The following GPS1 variants were observed in gnomAD, a reference collection of about 807,000 sequenced individuals.
GPS1 encodes COP9 signalosome complex subunit 1.
A neutral mutation model predicts 60.0 loss-of-function variants in GPS1; 11 were observed. The ratio of observed to expected loss-of-function variants is 0.18; its 90% CI spans 0.12 to 0.30. The LOEUF (loss-of-function observed/expected upper bound fraction) is 0.30, where lower values mean the gene tolerates loss of function less well. Ranked by LOEUF, GPS1 falls within the 10% of genes least tolerant of loss-of-function variation. The pLI, the probability that GPS1 is intolerant of heterozygous loss-of-function variation, is 1.00. For synonymous variants in GPS1, 343 were observed against 269.8 expected (o/e 1.27, Z -2.66); for missense variants, 543 against 669.2 (o/e 0.81, Z 2.08).
In GPS1 at chr17:82,053,280, G is replaced by C; in HGVS notation, c.40G>C (p.Val14Leu). The C allele has an allele frequency of 1.9e-6, 3 of 1,542,804 alleles. No homozygotes were observed. Among genetic ancestry groups the C allele is most frequent in the Non-Finnish European group, 2.6e-6 (3 of 1,153,722 alleles). ...TGCCTGGCCCATGTTGCAGGGGGCC[G>C]TGGAGCCCATGCAGATCGACGTGGA... Reference protein sequence around the residue: ...PVQVFNLQGAVEPMQIDVDPQ... With the variant: ...PVQVFNLQGALEPMQIDVDPQ... Residue 14 changes from valine to leucine, a missense_variant, in exon 2 of 13, where the codon GTG becomes CTG. Around this residue, in one of 3 missense-constraint regions of GPS1, gnomAD observed 181 missense variants for 188.8 expected, o/e 0.96. Transcript: ENST00000578552.
intron 3 of GPS1, chr17:82,054,288 G>A (rs1031624799): frequency 1.6e-5 from 12 of 752,548 alleles, no homozygotes; most frequent in African/African-American, 5.3e-5. Context: ...CTCAGGGGCC[G>A]CCTCCCTGCT....
At chr17:82,051,663 G>A (rs1190461255), upstream of GPS1, 6 of 1,004,556 alleles carry the variant, frequency 6.0e-6, no homozygotes, top group Non-Finnish European at 7.1e-6. The surrounding 1 kb of genome is among the most constrained non-coding windows in gnomAD (Gnocchi z 4.1). Flanking sequence ...GGTCCGGGCC[G>A]GGGCGGGCGC....
chr17:82,054,741 C>A lies in GPS1; in HGVS notation c.540C>A (p.Cys180Ter), dbSNP rs2032099693. 2 of 1,611,956 alleles carry A rather than the reference C, an allele frequency of 1.2e-6. No individual in the cohort carries two copies. Among genetic ancestry groups the A allele is most frequent in the Non-Finnish European group, 1.7e-6 (2 of 1,179,728 alleles). ...DCGDLSNALK[C>*]YSRARDYCTS... Reference sequence around the variant, plus strand: ...GGGACCTCAGCAACGCCCTCAAGTGCTATTCCCGGGCCCGGGACTACTGCA... The same window carrying A: ...GGGACCTCAGCAACGCCCTCAAGTGATATTCCCGGGCCCGGGACTACTGCA... The change falls in exon 4 of 13, where the codon TGC becomes TGA. Residue 180 changes from cysteine to a stop codon, truncating the protein, a stop_gained. Transcript: ENST00000578552. LOFTEE classifies it high-confidence loss of function.
chr17:82,053,845 C>T (rs1448909108), intron 2 of GPS1, 23 bp from the exon 3 acceptor site: 5 of 1,594,284 alleles, frequency 3.1e-6, no homozygotes, highest in South Asian at 2.2e-5. Flanking sequence ...TCCTGCCTGA[C>T]TCTTGTCTGT....
In GPS1 at chr17:82,054,557, C is replaced by A. The variant is rs1485097123; in HGVS notation, c.356C>A (p.Pro119His). Reference sequence around the variant, plus strand: ...GCCATCCCTGAGAGCGGCGTGGAGCCCCCAGCCCTGGACACGGCCTGGGTG... The same window carrying A: ...GCCATCCCTGAGAGCGGCGTGGAGCACCCAGCCCTGGACACGGCCTGGGTG... ...PDAIPESGVE[P>H]PALDTAWVEA... The change falls in exon 4 of 13, where the codon CCC becomes CAC. Residue 119 changes from proline (P) to histidine (H), a missense_variant. Pro to His is a moderately conservative substitution (Grantham distance 77, BLOSUM62 -2). Around this residue, in one of 3 missense-constraint regions of GPS1, gnomAD observed 181 missense variants for 188.8 expected, o/e 0.96. Coordinates refer to ENST00000578552, the MANE Select transcript of GPS1 (RefSeq NM_001321092.3). The A allele has an allele frequency of 2.5e-6, 4 of 1,588,394 alleles. No individual in the cohort carries two copies. Among genetic ancestry groups the A allele is most frequent in the Non-Finnish European group, 3.4e-6 (4 of 1,168,288 alleles).
chr17:82,052,592 G>C (rs984475178), intron 1 of GPS1: 2 of 1,089,840 alleles, frequency 1.8e-6, no homozygotes, highest in African/African-American at 3.2e-5. Context: ...AGGGGAGGGA[G>C]CCCCGGTGGG....
upstream of GPS1, chr17:82,051,313 A>T: frequency 6.9e-7 from 1 of 1,438,894 alleles, no homozygotes; most frequent in South Asian, 1.7e-5. The surrounding 1 kb of genome is among the most constrained non-coding windows in gnomAD (Gnocchi z 4.1). Context: ...GCTCGAGCTC[A>T]GGGTCGTCCC....
Position 82,053,946 on chromosome 17 carries a change from A to G in GPS1, c.205A>G (p.Thr69Ala). The change falls in exon 3 of 13, where the codon ACG (threonine) becomes GCG (alanine). Residue 69 changes from threonine to alanine, a missense_variant. Thr to Ala is a moderately conservative substitution (Grantham distance 58). Transcript: ENST00000578552. ...RLQFIADHCP[T>A]LRVEALKMAL... is the part of the protein sequence containing the mutation. Reference sequence around the variant, plus strand: ...GCAGTTCATTGCTGATCACTGCCCCACGCTGCGGGTGGAGGCCCTGAAGAT... The same window carrying G: ...GCAGTTCATTGCTGATCACTGCCCCGCGCTGCGGGTGGAGGCCCTGAAGAT... 5 of 1,612,972 alleles carry G rather than the reference A, an allele frequency of 3.1e-6. No homozygotes were observed. Among genetic ancestry groups the G allele is most frequent in the Non-Finnish European group, 4.2e-6 (5 of 1,179,930 alleles).
chr17:82,051,414 C>A (rs2030558667), upstream of GPS1: 7 of 1,388,916 alleles, frequency 5.0e-6, no homozygotes. This position sits in a 1 kb window ranked among gnomAD's most constrained non-coding sequence, Gnocchi z 4.1. Context: ...CCGCGCGGAG[C>A]CTCCGGGGGC....
At chr17:82,052,984 C>CCT in intron 1 of GPS1, 1 of 282,668 alleles carries the variant, frequency 3.5e-6, no homozygotes, top group South Asian at 1.0e-4. Context: ...TTGGTTGTCC[C>CCT]CTGTCTGCTT....
chr17:82,051,056 C>G, upstream of GPS1: 1 of 1,382,586 alleles, frequency 7.2e-7, no homozygotes, highest in South Asian at 1.8e-5. The surrounding 1 kb of genome is among the most constrained non-coding windows in gnomAD (Gnocchi z 4.1). Flanking sequence ...CTTCAGGGGA[C>G]GTGGCACTAG....
At chr17:82,053,125 G>A in intron 1 of GPS1, 149 bp from the exon 2 acceptor site, 1 of 515,636 alleles carries the variant, frequency 1.9e-6, no homozygotes, top group Non-Finnish European at 3.2e-6. Flanking sequence ...TGACTGGGAG[G>A]GCACACCTGG....
rs1207311566 is a variant in GPS1 at position 82,054,853 on chromosome 17, C to T, written c.609+43C>T. The T allele has an allele frequency of 1.9e-6, 3 of 1,570,930 alleles. No homozygotes were observed. In the East Asian group the frequency reaches 6.8e-5, roughly 35 times the overall value. On this transcript the variant is annotated intron_variant, in intron 4 of 12. Coordinates refer to ENST00000578552, the MANE Select transcript of GPS1 (RefSeq NM_001321092.3). ...GGCGGGGGTGGGCAGCATGGCTGGGCCATTGGGGCGCCCGGGCTCACTTGG... is the reference window on the plus strand; with the variant it reads ...GGCGGGGGTGGGCAGCATGGCTGGGTCATTGGGGCGCCCGGGCTCACTTGG...
chr17:82,055,275 C>A, intron 6 of GPS1, 53 bp downstream of exon 6: 2 of 1,524,418 alleles, frequency 1.3e-6, no homozygotes, highest in South Asian at 1.2e-5. Context: ...TTGCTAAGTC[C>A]TCCCAGCCCA....
Position 82,052,207 on chromosome 17 carries a change from C to T in GPS1, c.33+243C>T, listed in dbSNP as rs1041012569. 2.6e-6 allele frequency: 4 copies of T among 1,510,846 alleles called. No homozygotes were observed. In the African/African-American group the frequency reaches 5.5e-5, roughly 21 times the overall value. 93.6% of individuals were successfully genotyped at this position (1,510,846 alleles called of 1,614,324 possible). Reference sequence around the variant, plus strand: ...CCCCGCCTCCCCTCCCAGCAGCTCACGGGAGAGGTTCCCGGCCGCCCCGAC... The same window carrying T: ...CCCCGCCTCCCCTCCCAGCAGCTCATGGGAGAGGTTCCCGGCCGCCCCGAC... On this transcript the variant is annotated intron_variant, in intron 1 of 12. Coordinates refer to ENST00000578552, the MANE Select transcript of GPS1 (RefSeq NM_001321092.3).
rs772664910 is a variant in GPS1, at chr17:82,056,642, A to C, written c.1130A>C (p.Tyr377Ser). The change falls in exon 11 of 13, where the codon TAC (tyrosine) becomes TCC (serine). Residue 377 changes from tyrosine to serine, a missense_variant. Coordinates refer to ENST00000578552, the MANE Select transcript of GPS1 (RefSeq NM_001321092.3). ...NRALIQYFSP[Y>S]VSADMHRMAA... ...TCTGCCCTGCAGTATTTCAGCCCCT[A>C]CGTGTCAGCCGACATGCATAGGATG... is the stretch of plus-strand genomic sequence containing the variant. 2 of 1,609,898 alleles carry C rather than the reference A, an allele frequency of 1.2e-6. No individual in the cohort carries two copies. The highest frequency in any genetic ancestry group is 1.7e-6 in the Non-Finnish European group (2 of 1,178,170).
chr17:82,053,017 C>T (rs1399290318), intron 1 of GPS1: 1 of 332,802 alleles, frequency 3.0e-6, no homozygotes, highest in Non-Finnish European at 5.4e-6. Context: ...AGATGAGCGG[C>T]TAGAATCAGG....
intron 6 of GPS1, chr17:82,055,448 G>A (rs2032367252): frequency 3.2e-6 from 2 of 622,296 alleles, no homozygotes; most frequent in Admixed American, 2.7e-5. Context: ...TGGGCGTGAG[G>A]CAGGTCTGCC....
intron 1 of GPS1, chr17:82,052,503 AGGGCCCCGGCCGCCCCTGCTGTGGCT>A (rs1326458987): frequency 1.3e-6 from 2 of 1,591,214 alleles, no homozygotes; most frequent in African/African-American, 1.3e-5. Context: ...AGGGGGGAGC[AGGGCCCCGGCCGCCCCTGCTGTGGCT>A]GGGCCCCTGC....
Sources: gnomAD v4.1 joint callset for allele counts on GRCh38, gnomAD v4.1.1 for gene constraint, gnomAD v4.1.1 regional missense constraint, Gnocchi (gnomAD v3.1) non-coding constraint, MANE v1.5 for transcripts, NCBI Gene and HGNC (gene_info 2026-07-23, HGNC 2026-07-21) for gene names.